The following CA10 variants were observed in gnomAD, a reference collection of about 807,000 sequenced individuals.
CA10 encodes carbonic anhydrase-related protein 10.
A neutral mutation model predicts 44.2 loss-of-function variants in CA10; 14 were observed. The ratio of observed to expected loss-of-function variants is 0.32; its 90% CI spans 0.21 to 0.50. The LOEUF is 0.50. Among genes scored for constraint, CA10 ranks in the 20% least tolerant of loss-of-function variants. The probability of loss-of-function intolerance (pLI) is 0.99; values close to 1 mark genes in which losing one functional copy is unlikely to be tolerated. For missense variants in CA10, 350 were observed against 409.7 expected, an observed-to-expected ratio of 0.85 and a Z score of 1.26; for synonymous variants, 159 against 141.6, an observed-to-expected ratio of 1.12 and a Z score of -0.87.
At chr17:52,038,051 C>A (rs146137466) in intron 2 of CA10, among the ~76,000 whole-genome samples, 16 of 152,062 alleles carry the variant, frequency 1.1e-4, no homozygotes, top group African/African-American at 3.9e-4. Context: ...TTCGTTGTAT[C>A]CAAGTGCCTG....
At chr17:52,084,240 A>C (rs982892213) in intron 1 of CA10, among the ~76,000 whole-genome samples, 1 of 152,200 alleles carries the variant, frequency 6.6e-6, no homozygotes, top group Non-Finnish European at 1.5e-5. Flanking sequence ...ATGACCTATT[A>C]AGTCAATTTG....
intron 2 of CA10, among the ~76,000 whole-genome samples, chr17:51,961,188 AACACACACACACACAC>A (rs71149387): frequency 5.5e-5 from 8 of 145,004 alleles, no homozygotes; most frequent in Admixed American, 1.4e-4. Context: ...TGTACACACA[AACACACACACACACAC>A]ACACACACAC....
intron 3 of CA10, among the ~76,000 whole-genome samples, chr17:51,761,006 C>T (rs1000925317): frequency 3.3e-5 from 5 of 152,128 alleles, no homozygotes; most frequent in Non-Finnish European, 7.3e-5. Flanking sequence ...ATTTCAATCG[C>T]GGCATGTGGC....
At chr17:51,771,122 C>CAAAAAA (rs71357854) in intron 3 of CA10, among the ~76,000 whole-genome samples, 22 of 37,676 alleles carry the variant, frequency 5.8e-4, no homozygotes, top group Non-Finnish European at 8.2e-4. Flanking sequence ...GACTCCGTCT[C>CAAAAAA]AAAAAAAAAA....
intron 3 of CA10, among the ~76,000 whole-genome samples, chr17:51,857,576 A>G (rs973492971): frequency 2.0e-5 from 3 of 152,204 alleles, no homozygotes; most frequent in African/African-American, 4.8e-5. Context: ...ATCTGTCATG[A>G]TACGGCTGAG....
At chr17:51,797,353 C>T (rs553452988) in intron 3 of CA10, among the ~76,000 whole-genome samples, 79 of 152,332 alleles carry the variant, frequency 5.2e-4, no homozygotes, top group African/African-American at 1.8e-3. Context: ...TGCGCGCGCA[C>T]GCACGCGTGC....
intron 3 of CA10, among the ~76,000 whole-genome samples, chr17:51,881,223 G>T: frequency 7.9e-6 from 1 of 127,094 alleles, no homozygotes; most frequent in African/African-American, 3.1e-5. Flanking sequence ...CTGGGCGACA[G>T]AGCGAGACTC....
At chr17:52,042,637 C>T (rs1407765098) in intron 2 of CA10, among the ~76,000 whole-genome samples, 1 of 151,274 alleles carries the variant, frequency 6.6e-6, no homozygotes, top group African/African-American at 2.4e-5. Flanking sequence ...TTTGTGTTGC[C>T]TGTGCTTTTG....
chr17:52,065,219 A>T (rs1256819375), intron 2 of CA10, among the ~76,000 whole-genome samples: 1 of 152,218 alleles, frequency 6.6e-6, no homozygotes, highest in Non-Finnish European at 1.5e-5. Context: ...AGATTACACA[A>T]GGAGGCTCTC....
Position 51,717,837 on chromosome 17 carries a change from A to G in CA10, c.465+29796T>C, listed in dbSNP as rs1169692682. On this transcript the variant is annotated intron_variant, in intron 4 of 8. Transcript: ENST00000451037. ...CGTATATATATGTGTGTGTATATAT[A>G]TATATATATATATATATATATATAT... Among the ~76,000 whole-genome samples, 9 of 64,290 alleles carry G rather than the reference A, an allele frequency of 1.4e-4. 1 individual carries two copies. Among genetic ancestry groups the G allele is most frequent in the African/African-American group, 5.3e-4 (8 of 15,078 alleles). 42.2% of individuals were successfully genotyped at this position (64,290 alleles called of 152,430 possible). A position where few individuals can be genotyped will look rare whatever the true frequency, so the allele number is the denominator to read the frequency against.
chr17:51,916,735 A>C (rs1982013960), intron 3 of CA10, among the ~76,000 whole-genome samples: 1 of 152,186 alleles, frequency 6.6e-6, no homozygotes, highest in African/African-American at 2.4e-5. Context: ...AGAGGAATTA[A>C]GATGAAAGTA....
At chr17:51,949,226 C>G (rs1983394605) in intron 2 of CA10, among the ~76,000 whole-genome samples, 1 of 152,064 alleles carries the variant, frequency 6.6e-6, no homozygotes, top group Non-Finnish European at 1.5e-5. Flanking sequence ...CAATTTGAAA[C>G]CCAAAACATT....
chr17:52,044,144 T>C (rs1211060575), intron 2 of CA10, among the ~76,000 whole-genome samples: 1 of 152,086 alleles, frequency 6.6e-6, no homozygotes, highest in Non-Finnish European at 1.5e-5. Flanking sequence ...AATTCGTCTT[T>C]AAATGTTTGG....
chr17:52,072,172 T>C, intron 2 of CA10, 147 bp downstream of exon 2: 2 of 577,914 alleles, frequency 3.5e-6, no homozygotes, highest in Non-Finnish European at 6.0e-6. Flanking sequence ...AATTGCCTGT[T>C]ACTTAACAAA....
At chr17:51,671,347 G>T (rs1387217409) in intron 4 of CA10, among the ~76,000 whole-genome samples, 1 of 152,072 alleles carries the variant, frequency 6.6e-6, no homozygotes, top group African/African-American at 2.4e-5. Context: ...TGCTGAAGGG[G>T]CTTTTTGATG....
At chr17:51,966,946 A>G (rs2144061345) in intron 2 of CA10, among the ~76,000 whole-genome samples, 1 of 151,972 alleles carries the variant, frequency 6.6e-6, no homozygotes, top group South Asian at 2.1e-4. Flanking sequence ...GAAAATATTC[A>G]GAAACTACAC....
At chr17:51,675,548 CAAAAAAAAA>C (rs34639980) in intron 4 of CA10, among the ~76,000 whole-genome samples, 1 of 117,954 alleles carries the variant, frequency 8.5e-6, no homozygotes, top group East Asian at 2.4e-4. Context: ...GACTCCATCT[CAAAAAAAAA>C]AAAAAAAAAT....
chr17:51,712,839 TG>T (rs1352515726), intron 4 of CA10, among the ~76,000 whole-genome samples: 1 of 152,238 alleles, frequency 6.6e-6, no homozygotes, highest in African/African-American at 2.4e-5. Flanking sequence ...TTTCTTCTTT[TG>T]GGGGTTTGCC....
chr17:51,886,653 T>C (rs1002367345), intron 3 of CA10, among the ~76,000 whole-genome samples: 1 of 152,184 alleles, frequency 6.6e-6, no homozygotes, highest in African/African-American at 2.4e-5. Context: ...AGGTAAAACA[T>C]TATTTTTGGG....
Sources: allele counts gnomAD v4.1 joint callset (sites outside exome capture counted in the v4.1 genomes callset), GRCh38; gene constraint gnomAD v4.1.1; transcripts MANE v1.5; gene names NCBI Gene and HGNC (gene_info 2026-07-23, HGNC 2026-07-21).